The following ARHGAP10 variants were observed in gnomAD, a reference collection of about 807,000 sequenced individuals.
The protein encoded by ARHGAP10 is Rho GTPase activating protein 10, also known as rho GTPase-activating protein 10.
A neutral mutation model predicts 108.6 loss-of-function variants in ARHGAP10; 87 were observed. The observed-to-expected ratio is 0.80, with a 90% CI of 0.67 to 0.96. The LOEUF (loss-of-function observed/expected upper bound fraction) is 0.96, where lower values mean the gene tolerates loss of function less well. Ranked by LOEUF, ARHGAP10 falls within the 40% of genes least tolerant of loss-of-function variation. ARHGAP10 has a pLI of 0.00. For synonymous variants in ARHGAP10, 347 were observed against 341.1 expected, an observed-to-expected ratio of 1.02 and a Z score of -0.19; for missense variants, 939 against 954.5, an observed-to-expected ratio of 0.98 and a Z score of 0.21.
chr4:147,756,666 T>A (rs975265291), intron 1 of ARHGAP10, among the ~76,000 whole-genome samples: 1 of 152,172 alleles, frequency 6.6e-6, no homozygotes, highest in East Asian at 1.9e-4. Context: ...TATGGTTGTA[T>A]GTATAGGAAG....
chr4:148,062,583 T>TAA, intron 20 of ARHGAP10, among the ~76,000 whole-genome samples: 1 of 151,176 alleles, frequency 6.6e-6, no homozygotes, highest in South Asian at 2.1e-4. Context: ...ACATTAACTT[T>TAA]AAAAAAAAAG....
chr4:147,832,907 CT>C (rs1194828248), intron 3 of ARHGAP10, among the ~76,000 whole-genome samples: 1 of 152,126 alleles, frequency 6.6e-6, no homozygotes, highest in Non-Finnish European at 1.5e-5. Flanking sequence ...CTCTTTTACT[CT>C]TTGGACAACT....
intron 1 of ARHGAP10, among the ~76,000 whole-genome samples, chr4:147,754,134 A>G (rs1729274945): frequency 6.6e-6 from 1 of 152,184 alleles, no homozygotes. Context: ...GTCAGTACCC[A>G]TCTGGCTCCT....
chr4:147,902,923 G>T (rs1367901027), intron 10 of ARHGAP10, among the ~76,000 whole-genome samples: 1 of 150,300 alleles, frequency 6.7e-6, no homozygotes, highest in Non-Finnish European at 1.5e-5. Flanking sequence ...GGAGGGGAGG[G>T]CGGGGGTGTG....
intron 18 of ARHGAP10, among the ~76,000 whole-genome samples, chr4:148,016,550 T>C (rs1000284929): frequency 2.6e-5 from 4 of 152,136 alleles, no homozygotes; most frequent in Non-Finnish European, 5.9e-5. Flanking sequence ...TGTTTTTTTC[T>C]CTGTTCTTAT....
At chr4:147,762,520 T>TTA (rs1265303325) in intron 1 of ARHGAP10, among the ~76,000 whole-genome samples, 213 of 17,612 alleles carry the variant, frequency 0.012, 1 homozygote, top group East Asian at 0.018. Flanking sequence ...ATTTATTTAT[T>TTA]TTTATTTATT....
intron 21 of ARHGAP10, 114 bp downstream of exon 21, chr4:148,063,414 G>C: frequency 1.4e-6 from 2 of 1,400,782 alleles, no homozygotes; most frequent in East Asian, 2.5e-5. Context: ...GATACCCCCA[G>C]CATCCTGGAC....
chr4:147,777,462 T>C (rs546006444), intron 1 of ARHGAP10, among the ~76,000 whole-genome samples: 15 of 152,156 alleles, frequency 9.9e-5, no homozygotes, highest in African/African-American at 3.6e-4. Flanking sequence ...GGGGTTTCAC[T>C]GTGTTAGCCA....
In ARHGAP10 at chr4:147,732,247, C is replaced by T. The variant is rs1728240820; in HGVS notation, c.-55C>T. The T allele has an allele frequency of 1.3e-6, 2 of 1,487,516 alleles. No homozygotes were observed. Among genetic ancestry groups the T allele is most frequent in the Non-Finnish European group, 8.9e-7 (1 of 1,127,696 alleles). 92.1% of individuals were successfully genotyped at this position (1,487,516 alleles called of 1,614,324 possible). Reference sequence around the variant, plus strand: ...GCCGCACCTGGCAGCGGCCTCGGAGCTCGGCTCGGGCAGGAGCGCGCGGCC... The same window carrying T: ...GCCGCACCTGGCAGCGGCCTCGGAGTTCGGCTCGGGCAGGAGCGCGCGGCC... On this transcript the variant is annotated 5_prime_UTR_variant, in exon 1 of 23. Coordinates refer to ENST00000336498, the MANE Select transcript of ARHGAP10 (RefSeq NM_024605.4).
chr4:147,858,331 C>G (rs1222551643), intron 5 of ARHGAP10: 1 of 114,470 alleles, frequency 8.7e-6, no homozygotes, highest in Admixed American at 1.1e-4. Context: ...TAGTCTCATC[C>G]CACAAAATTG....
intron 1 of ARHGAP10, among the ~76,000 whole-genome samples, chr4:147,752,652 C>G (rs140787963): frequency 0.013 from 1,934 of 152,062 alleles, 28 homozygotes; most frequent in Middle Eastern, 0.024. Flanking sequence ...CTCAGCCTCC[C>G]GAGTAGCTGG....
In ARHGAP10 at chr4:147,844,492, C is replaced by A. The variant is rs535349846; in HGVS notation, c.313-2659C>A. ...CCCTACCTCCCCCCTACTATACTTC[C>A]CAGCTTCTGGTAACAACCCTTCTAC... is the stretch of plus-strand genomic sequence containing the variant. On this transcript the variant is annotated intron_variant, in intron 3 of 22. Transcript: ENST00000336498. Among the ~76,000 whole-genome samples the A allele has an allele frequency of 6.0e-4, 92 of 152,246 alleles. 1 individual carries two copies. The South Asian group carries it at 0.017, about 28-fold the overall frequency.
chr4:147,888,439 A>G lies in ARHGAP10; in HGVS notation c.1034+6507A>G, dbSNP rs139216797. ...AAGTCTTGGGAGTGGGAGTGGGGGT[A>G]GTTACATTCCTCTAACATGTTATAT... On this transcript the variant is annotated intron_variant, in intron 10 of 22. Transcript: ENST00000336498. 2.3e-4 allele frequency among the ~76,000 whole-genome samples: 35 copies of G among 152,252 alleles called. No homozygotes were observed. In the East Asian group the frequency reaches 6.4e-3, roughly 28 times the overall value.
At chr4:147,914,069 T>C (rs969244881) in intron 13 of ARHGAP10, among the ~76,000 whole-genome samples, 2 of 152,102 alleles carry the variant, frequency 1.3e-5, no homozygotes, top group African/African-American at 4.8e-5. Flanking sequence ...GGAGAATCAG[T>C]TGAACCTGGG....
intron 1 of ARHGAP10, among the ~76,000 whole-genome samples, chr4:147,797,084 G>A (rs758935800): frequency 1.3e-5 from 2 of 152,172 alleles, no homozygotes; most frequent in Non-Finnish European, 2.9e-5. Context: ...CTGGAGCATG[G>A]CATATCATGG....
intron 1 of ARHGAP10, among the ~76,000 whole-genome samples, chr4:147,808,764 G>GC (rs562953606): frequency 4.7e-4 from 72 of 152,188 alleles, no homozygotes; most frequent in Non-Finnish European, 8.8e-4. Flanking sequence ...TCAACTCTGG[G>GC]CCCCCTCTGG....
intron 1 of ARHGAP10, among the ~76,000 whole-genome samples, chr4:147,821,714 A>G (rs1732503251): frequency 6.6e-6 from 1 of 152,236 alleles, no homozygotes; most frequent in Non-Finnish European, 1.5e-5. Context: ...AAACAATTTT[A>G]TTACCATAAT....
intron 19 of ARHGAP10, among the ~76,000 whole-genome samples, chr4:148,036,086 G>A (rs1475763800): frequency 6.6e-6 from 1 of 151,826 alleles, no homozygotes; most frequent in Non-Finnish European, 1.5e-5. Context: ...GTGTGTGTGT[G>A]TGTGTGTGTG....
chr4:147,882,412 A>G (rs1271087587), intron 10 of ARHGAP10, among the ~76,000 whole-genome samples: 3 of 151,828 alleles, frequency 2.0e-5, no homozygotes, highest in African/African-American at 7.3e-5. Flanking sequence ...GCAGTGAGCC[A>G]AGATGGTGCC....
Sources: gnomAD v4.1 joint callset for allele counts (sites outside exome capture counted in the v4.1 genomes callset) on GRCh38, gnomAD v4.1.1 for gene constraint, MANE v1.5 for transcripts, NCBI Gene and HGNC (gene_info 2026-07-23, HGNC 2026-07-21) for gene names.